Variants in GABBR2 observed in about 807,000 individuals in gnomAD.
GABBR2 encodes the protein gamma-aminobutyric acid type B receptor subunit 2.
In GABBR2, 23 loss-of-function variants were observed where a neutral mutation model predicts 105.6. That is an observed-to-expected ratio of 0.22 (90% confidence interval 0.16 to 0.31). GABBR2 has a LOEUF of 0.31. GABBR2 is among the 10% of genes least tolerant of loss of function. GABBR2 has a pLI of 1.00. For synonymous variants in GABBR2, 478 were observed against 499.7 expected, an observed-to-expected ratio of 0.96 and a Z score of 0.58; for missense variants, 734 against 1,245.5, an observed-to-expected ratio of 0.59 and a Z score of 6.18.
rs374083856 is a variant in GABBR2 at position 98,651,683 on chromosome 9, C to A, written c.321+56734G>T. ...CTGGCCTCAAGTGATCCTCCCACCT[C>A]AGCCTCCCAAAGTGCTGGAATTATA... is the stretch of plus-strand genomic sequence containing the variant. On this transcript the variant is annotated intron_variant, in intron 1 of 18. Transcript: ENST00000259455. Among the ~76,000 whole-genome samples, 245 of 152,314 alleles carry A rather than the reference C, an allele frequency of 1.6e-3. 1 individual carries two copies. The highest frequency in any genetic ancestry group is 5.7e-3 in the African/African-American group (236 of 41,576).
intron 7 of GABBR2, among the ~76,000 whole-genome samples, chr9:98,429,228 C>T (rs1825756693): frequency 6.6e-6 from 1 of 151,930 alleles, no homozygotes; most frequent in African/African-American, 2.4e-5. Context: ...CAACCTCCAC[C>T]TCCCGAGTTC....
chr9:98,445,669 A>T (rs78620690), intron 7 of GABBR2, among the ~76,000 whole-genome samples: 13,367 of 152,312 alleles, frequency 0.088, 654 homozygotes, highest in South Asian at 0.14. Context: ...TGTTGTACCA[A>T]TGCATCGGTC....
At chr9:98,701,722 G>A (rs987754568) in intron 1 of GABBR2, among the ~76,000 whole-genome samples, 5 of 152,092 alleles carry the variant, frequency 3.3e-5, no homozygotes, top group East Asian at 1.9e-4. Flanking sequence ...GGAAAGACAC[G>A]CCGGGAGACA....
intron 7 of GABBR2, among the ~76,000 whole-genome samples, chr9:98,415,994 G>A (rs140526599): frequency 8.5e-5 from 13 of 152,274 alleles, no homozygotes; most frequent in African/African-American, 3.1e-4. Context: ...CAGAGGAGGA[G>A]GAAAGATAGG....
intron 8 of GABBR2, among the ~76,000 whole-genome samples, chr9:98,399,045 T>A (rs1254096754): frequency 2.0e-5 from 3 of 152,000 alleles, no homozygotes; most frequent in African/African-American, 7.2e-5. Flanking sequence ...CTTGGCAACC[T>A]CCCTCAGGTC....
At chr9:98,651,090 T>G (rs1480626336) in intron 1 of GABBR2, among the ~76,000 whole-genome samples, 1 of 151,946 alleles carries the variant, frequency 6.6e-6, no homozygotes, top group Non-Finnish European at 1.5e-5. Flanking sequence ...GTTATGTATA[T>G]TTTATCAAGA....
At chr9:98,511,043 A>G (rs1040948391) in intron 3 of GABBR2, among the ~76,000 whole-genome samples, 4 of 152,242 alleles carry the variant, frequency 2.6e-5, no homozygotes, top group Non-Finnish European at 5.9e-5. Flanking sequence ...AACAGAAGTT[A>G]TAACAAACTG....
intron 13 of GABBR2, among the ~76,000 whole-genome samples, chr9:98,333,468 C>A (rs1289689859): frequency 6.6e-6 from 1 of 152,150 alleles, no homozygotes; most frequent in African/African-American, 2.4e-5. Context: ...CCTGCCATGT[C>A]TTCTCCAGCT....
chr9:98,338,197 A>G (rs956503102), intron 13 of GABBR2, among the ~76,000 whole-genome samples: 1 of 152,258 alleles, frequency 6.6e-6, no homozygotes, highest in African/African-American at 2.4e-5. Flanking sequence ...GTAAATCTTC[A>G]TGAGCTTGGA....
chr9:98,663,529 C>T (rs769642975), intron 1 of GABBR2, among the ~76,000 whole-genome samples: 16 of 151,932 alleles, frequency 1.1e-4, no homozygotes, highest in African/African-American at 2.4e-4. Flanking sequence ...TCTAGGAAGA[C>T]GTTTAACAGA....
chr9:98,684,617 C>G (rs1830597631), intron 1 of GABBR2, among the ~76,000 whole-genome samples: 1 of 152,142 alleles, frequency 6.6e-6, no homozygotes, highest in Non-Finnish European at 1.5e-5. Flanking sequence ...TGATATCTAT[C>G]AATTCCTTGG....
At chr9:98,498,278 G>A (rs1827324895) in intron 3 of GABBR2, among the ~76,000 whole-genome samples, 1 of 151,892 alleles carries the variant, frequency 6.6e-6, no homozygotes, top group South Asian at 2.1e-4. Flanking sequence ...GTTTCAGTGT[G>A]GAATGAAAAA....
chr9:98,324,490 G>A (rs1375814155), intron 13 of GABBR2, among the ~76,000 whole-genome samples: 1 of 132,536 alleles, frequency 7.5e-6, no homozygotes, highest in Non-Finnish European at 1.6e-5. Context: ...AGACTACAGA[G>A]CCGACACACA....
At chr9:98,588,998 C>G (rs1208365905) in intron 1 of GABBR2, among the ~76,000 whole-genome samples, 1 of 152,212 alleles carries the variant, frequency 6.6e-6, no homozygotes, top group African/African-American at 2.4e-5. Flanking sequence ...GGCAGTCTCA[C>G]GAGCTGACAG....
At chr9:98,700,864 C>T (rs1242312841) in intron 1 of GABBR2, among the ~76,000 whole-genome samples, 1 of 152,198 alleles carries the variant, frequency 6.6e-6, no homozygotes, top group Non-Finnish European at 1.5e-5. Flanking sequence ...ATGGGAGACT[C>T]ACAATACAAA....
At chr9:98,310,978 G>C (rs755589635) in intron 14 of GABBR2, 117 bp downstream of exon 14, 6 of 640,538 alleles carry the variant, frequency 9.4e-6, no homozygotes, top group Middle Eastern at 2.6e-4. Flanking sequence ...AGTCCACAGA[G>C]AGTAACTGCT....
Position 98,388,880 on chromosome 9 carries a change from G to A in GABBR2, c.1503C>T (p.Phe501=), listed in dbSNP as rs767412610. 3.5e-5 allele frequency: 57 copies of A among 1,613,468 alleles called. No individual in the cohort carries two copies. Among genetic ancestry groups the A allele is most frequent in the Non-Finnish European group, 4.4e-5 (52 of 1,179,762 alleles). Residue 501 remains phenylalanine, a synonymous_variant, in exon 10 of 19, where the codon TTC becomes TTT. Coordinates refer to ENST00000259455, the MANE Select transcript of GABBR2 (RefSeq NM_005458.8). The surrounding 1 kb of genome is among the most constrained non-coding windows in gnomAD (Gnocchi z 4.4). The part of the protein sequence containing the change: ...LGMIMASAFL[F]FNIKNRNQKL... ...TCTGATTCCGGTTCTTGATGTTGAAGAAGAGAAAAGCACTGGCCATGATCA... is the reference window on the plus strand; with the variant it reads ...TCTGATTCCGGTTCTTGATGTTGAAAAAGAGAAAAGCACTGGCCATGATCA...
At chr9:98,525,966 T>G (rs952644440) in intron 3 of GABBR2, among the ~76,000 whole-genome samples, 1 of 152,210 alleles carries the variant, frequency 6.6e-6, no homozygotes, top group Admixed American at 6.5e-5. Flanking sequence ...GGCAAATCTA[T>G]AGAGACAGAA....
At chr9:98,584,242 C>G (rs1245473477) in intron 1 of GABBR2, among the ~76,000 whole-genome samples, 2 of 152,148 alleles carry the variant, frequency 1.3e-5, no homozygotes, top group Non-Finnish European at 2.9e-5. Context: ...ACAGTTCAAA[C>G]TGTCATGCAA....
Sources: allele counts gnomAD v4.1 joint callset (sites outside exome capture counted in the v4.1 genomes callset), GRCh38; gene constraint gnomAD v4.1.1; non-coding constraint Gnocchi (gnomAD v3.1); transcripts MANE v1.5; gene names NCBI Gene and HGNC (gene_info 2026-07-23, HGNC 2026-07-21).